Variants in NPY2R observed in about 807,000 individuals in gnomAD.
NPY2R encodes the protein neuropeptide Y receptor Y2.
In NPY2R, 17 loss-of-function variants were observed where a neutral mutation model predicts 22.3. That is an observed-to-expected ratio of 0.76 (90% CI 0.52 to 1.14). The LOEUF is 1.14. NPY2R is among the 50% of genes most tolerant of loss of function. NPY2R has a pLI of 0.00. For missense variants in NPY2R, 424 were observed against 467.9 expected (o/e 0.91, Z 0.87); for synonymous variants, 209 against 183.4 (o/e 1.14, Z -1.13).
At chr4:155,205,719 T>A (rs969080837), upstream of NPY2R, among the ~76,000 whole-genome samples, 2 of 152,198 alleles carry the variant, frequency 1.3e-5, no homozygotes, top group African/African-American at 4.8e-5. Context: ...AGTAGAACTA[T>A]GTTTTAAATA....
At chr4:155,211,065 G>A (rs970958139) in intron 1 of NPY2R, among the ~76,000 whole-genome samples, 2 of 152,092 alleles carry the variant, frequency 1.3e-5, no homozygotes, top group Admixed American at 6.5e-5. Flanking sequence ...CCCTACATAG[G>A]CAGTTGTCTT....
At chr4:155,174,484 A>ATATATATATATATATATATATATAT in the NPY2R span, among the ~76,000 whole-genome samples, 99 of 106,016 alleles carry the variant, frequency 9.3e-4, no homozygotes, top group Middle Eastern at 4.4e-3. Context: ...ATATATATAT[A>ATATATATATATATATATATATATAT]TTTTTTTTTT....
upstream of NPY2R, among the ~76,000 whole-genome samples, chr4:155,204,358 A>G (rs11099992): frequency 0.29 from 44,743 of 152,008 alleles, 6,979 homozygotes; most frequent in East Asian, 0.52. Context: ...TTTATACTGA[A>G]CACTTTACGT....
At chr4:155,196,353 T>A in the NPY2R span, among the ~76,000 whole-genome samples, 1 of 151,956 alleles carries the variant, frequency 6.6e-6, no homozygotes, top group African/African-American at 2.4e-5. Flanking sequence ...ATAGTTTACC[T>A]TTTAAACTTT....
At chr4:155,211,233 G>A (rs912182327) in intron 1 of NPY2R, among the ~76,000 whole-genome samples, 1 of 152,166 alleles carries the variant, frequency 6.6e-6, no homozygotes, top group African/African-American at 2.4e-5. Flanking sequence ...GGAGGAAGAA[G>A]GTCTAGGTTC....
At chr4:155,185,938 G>A in the NPY2R span, among the ~76,000 whole-genome samples, 1 of 151,932 alleles carries the variant, frequency 6.6e-6, no homozygotes, top group Non-Finnish European at 1.5e-5. Flanking sequence ...ACATGATAAA[G>A]CATATACATC....
intron 1 of NPY2R, among the ~76,000 whole-genome samples, chr4:155,212,743 T>G (rs751945281): frequency 1.3e-4 from 20 of 152,076 alleles, no homozygotes; most frequent in Non-Finnish European, 2.9e-5. Context: ...AGAAAATAGG[T>G]GGAAGAGATA....
upstream of NPY2R, among the ~76,000 whole-genome samples, chr4:155,203,983 G>A (rs80312537): frequency 5.1e-3 from 774 of 152,120 alleles, 4 homozygotes; most frequent in African/African-American, 0.018. Context: ...ACTTCAGCTG[G>A]CTGTGCTCAC....
chr4:155,190,656 C>A, the NPY2R span, among the ~76,000 whole-genome samples: 2 of 152,072 alleles, frequency 1.3e-5, no homozygotes, highest in East Asian at 3.9e-4. Context: ...AGGATAAAAT[C>A]ATGATAATTA....
chr4:155,179,915 T>A, the NPY2R span, among the ~76,000 whole-genome samples: 1 of 152,146 alleles, frequency 6.6e-6, no homozygotes, highest in Non-Finnish European at 1.5e-5. Context: ...GCTGATGAGA[T>A]CATAGTATTC....
chr4:155,194,433 T>C, the NPY2R span, among the ~76,000 whole-genome samples: 10 of 151,910 alleles, frequency 6.6e-5, no homozygotes, highest in Non-Finnish European at 1.2e-4. Context: ...CAGTGTTTTT[T>C]GTCCCCTACT....
chr4:155,198,536 ATATCT>A, the NPY2R span, among the ~76,000 whole-genome samples: 1 of 87,454 alleles, frequency 1.1e-5, no homozygotes, highest in South Asian at 4.0e-4. Context: ...TATATATCAA[ATATCT>A]TATATAAATA....
the NPY2R span, among the ~76,000 whole-genome samples, chr4:155,179,617 G>A: frequency 6.6e-6 from 1 of 152,116 alleles, no homozygotes; most frequent in African/African-American, 2.4e-5. Flanking sequence ...ATGAACTCTT[G>A]GGAGTTTTCA....
chr4:155,184,493 C>G, the NPY2R span, among the ~76,000 whole-genome samples: 1 of 152,152 alleles, frequency 6.6e-6, no homozygotes, highest in Non-Finnish European at 1.5e-5. Flanking sequence ...GCTAAGTATA[C>G]TCTCTCAGCC....
chr4:155,214,818 T>G lies in NPY2R; in HGVS notation c.879T>G (p.Ile293Met). 5 of 1,612,056 alleles carry G rather than the reference T, an allele frequency of 3.1e-6. No homozygotes were observed. The highest frequency in any genetic ancestry group is 3.4e-6 in the Non-Finnish European group (4 of 1,178,564). ...PLHAFQLAVD[I>M]DSQVLDLKEY... ...ATGCCTTCCAGCTTGCCGTTGACAT[T>G]GACAGCCAGGTCCTGGACCTGAAGG... The change falls in exon 2 of 2, where the codon ATT becomes ATG. Residue 293 changes from isoleucine (I) to methionine (M), a missense_variant. Coordinates refer to ENST00000329476, the MANE Select transcript of NPY2R (RefSeq NM_000910.4).
At chr4:155,183,639 A>G in the NPY2R span, among the ~76,000 whole-genome samples, 11 of 152,174 alleles carry the variant, frequency 7.2e-5, no homozygotes, top group Admixed American at 7.2e-4. Context: ...TTGCAAGAAG[A>G]AGGCATCAAC....
chr4:155,187,798 T>A, the NPY2R span, among the ~76,000 whole-genome samples: 1 of 152,166 alleles, frequency 6.6e-6, no homozygotes, highest in South Asian at 2.1e-4. Flanking sequence ...TTGTAGTTAA[T>A]TTCATTACAA....
chr4:155,174,489 T>A, the NPY2R span, among the ~76,000 whole-genome samples: 53 of 121,580 alleles, frequency 4.4e-4, no homozygotes, highest in African/African-American at 1.4e-3. Context: ...TATATATTTT[T>A]TTTTTTAAAT....
the NPY2R span, among the ~76,000 whole-genome samples, chr4:155,185,634 A>T: frequency 1.3e-5 from 2 of 152,090 alleles, no homozygotes; most frequent in Non-Finnish European, 2.9e-5. Flanking sequence ...CCCTGGAGAA[A>T]ATCTCTAAGG....
Sources: gnomAD v4.1 joint callset for allele counts (sites outside exome capture counted in the v4.1 genomes callset) on GRCh38, gnomAD v4.1.1 for gene constraint, MANE v1.5 for transcripts, NCBI Gene and HGNC (gene_info 2026-07-23, HGNC 2026-07-21) for gene names.